The following MARCHF1 variants were observed in gnomAD, a reference collection of about 807,000 sequenced individuals.
MARCHF1 encodes membrane associated ring-CH-type finger 1, also known as E3 ubiquitin-protein ligase MARCHF1.
Under a neutral mutation model 54.2 loss-of-function variants are expected in MARCHF1, and 40 were observed. That is an observed-to-expected ratio of 0.74 (90% confidence interval 0.57 to 0.96). The LOEUF (loss-of-function observed/expected upper bound fraction) is 0.96, where lower values mean the gene tolerates loss of function less well. Ranked by LOEUF, MARCHF1 falls within the 40% of genes least tolerant of loss-of-function variation. The pLI is 0.00. For synonymous variants in MARCHF1, 236 were observed against 236.3 expected (o/e 1.00, Z 0.01); for missense variants, 586 against 656.5 (o/e 0.89, Z 1.17).
intron 1 of MARCHF1, among the ~76,000 whole-genome samples, chr4:164,146,721 T>A (rs1365933794): frequency 1.3e-5 from 2 of 152,102 alleles, no homozygotes; most frequent in Non-Finnish European, 2.9e-5. Flanking sequence ...ATAAAAACCC[T>A]AGAAGAAAAC....
chr4:164,117,259 A>T (rs1365160515), intron 1 of MARCHF1, among the ~76,000 whole-genome samples: 1 of 152,066 alleles, frequency 6.6e-6, no homozygotes, highest in Non-Finnish European at 1.5e-5. Flanking sequence ...TGCAGTCTCA[A>T]AAAAATAAAA....
intron 2 of MARCHF1, among the ~76,000 whole-genome samples, chr4:164,065,332 A>C (rs1317265839): frequency 6.6e-6 from 1 of 152,244 alleles, no homozygotes; most frequent in Non-Finnish European, 1.5e-5. Flanking sequence ...CAAAACTATA[A>C]AAATCCTGGA....
chr4:163,748,360 C>G (rs1473767920), intron 4 of MARCHF1, among the ~76,000 whole-genome samples: 1 of 148,646 alleles, frequency 6.7e-6, no homozygotes, highest in Non-Finnish European at 1.5e-5. Context: ...ATTCTAGGTC[C>G]TTTGTATTTT....
At chr4:164,094,731 G>C (rs1480648508) in intron 2 of MARCHF1, among the ~76,000 whole-genome samples, 1 of 151,994 alleles carries the variant, frequency 6.6e-6, no homozygotes, top group Non-Finnish European at 1.5e-5. Flanking sequence ...AACATGACTA[G>C]GTGTTGTTTG....
At chr4:163,698,051 G>T (rs1476155103) in intron 5 of MARCHF1, among the ~76,000 whole-genome samples, 8 of 152,140 alleles carry the variant, frequency 5.3e-5, no homozygotes, top group African/African-American at 1.9e-4. Context: ...AAGCACCACT[G>T]CAAGAGGTAG....
intron 1 of MARCHF1, among the ~76,000 whole-genome samples, chr4:164,339,871 C>G (rs1729863002): frequency 6.6e-6 from 1 of 151,976 alleles, no homozygotes; most frequent in Non-Finnish European, 1.5e-5. Context: ...AATCAGAACT[C>G]AAAGATGTAA....
intron 2 of MARCHF1, among the ~76,000 whole-genome samples, chr4:164,109,356 A>G (rs1382749487): frequency 6.6e-6 from 1 of 150,436 alleles, no homozygotes; most frequent in African/African-American, 2.4e-5. Flanking sequence ...CTGTGCTTAA[A>G]AACTCTCACA....
intron 8 of MARCHF1, among the ~76,000 whole-genome samples, chr4:163,573,436 A>G (rs1477466744): frequency 6.8e-6 from 1 of 147,382 alleles, no homozygotes; most frequent in Non-Finnish European, 1.5e-5. Flanking sequence ...AGCATTAGGT[A>G]TATCTCCCAG....
intron 1 of MARCHF1, among the ~76,000 whole-genome samples, chr4:164,374,549 C>G (rs1731131143): frequency 6.6e-6 from 1 of 152,084 alleles, no homozygotes; most frequent in African/African-American, 2.4e-5. Flanking sequence ...ATCCTCATAA[C>G]AAAAGCTATA....
intron 7 of MARCHF1, among the ~76,000 whole-genome samples, chr4:163,601,020 T>C (rs1189892434): frequency 6.6e-6 from 1 of 152,130 alleles, no homozygotes; most frequent in East Asian, 1.9e-4. Context: ...GCTGTCAGAG[T>C]GCTAAGAGCA....
chr4:163,603,150 G>C (rs1474735844), intron 7 of MARCHF1, among the ~76,000 whole-genome samples: 2 of 137,132 alleles, frequency 1.5e-5, no homozygotes, highest in Non-Finnish European at 3.3e-5. Context: ...GAAAGATTAA[G>C]GTAAAGGGAA....
rs541352427 is a variant in MARCHF1 at position 164,355,478 on chromosome 4, G to A, written c.-323+28392C>T. On this transcript the variant is annotated intron_variant, in intron 1 of 9. Coordinates refer to ENST00000514618, the MANE Select transcript of MARCHF1 (RefSeq NM_001394959.1). ...TAACGCCGCATACCTACAAGTATCT[G>A]ATCTTTGACAAACCTGAGAAAAACA... 1.4e-3 allele frequency among the ~76,000 whole-genome samples: 186 copies of A among 129,736 alleles called. 4 individuals carry two copies. Among genetic ancestry groups the A allele is most frequent in the African/African-American group, 5.0e-3 (176 of 35,396 alleles). The allele number at this position is 129,736 out of a possible 152,430, so 85.1% of individuals were successfully genotyped here. A position where few individuals can be genotyped will look rare whatever the true frequency, so the allele number is the denominator to read the frequency against.
chr4:163,711,932 A>T (rs191538239), intron 4 of MARCHF1, among the ~76,000 whole-genome samples: 61 of 152,196 alleles, frequency 4.0e-4, no homozygotes, highest in African/African-American at 1.4e-3. Context: ...ATTATTACTA[A>T]TTTTTGCTAT....
intron 3 of MARCHF1, among the ~76,000 whole-genome samples, chr4:163,866,319 CA>C (rs975274440): frequency 6.7e-6 from 1 of 149,756 alleles, no homozygotes; most frequent in African/African-American, 2.4e-5. Context: ...TATTATATAC[CA>C]AGAGTCAAAG....
chr4:163,894,574 CATGTGATGCAT>C (rs1560807567), intron 3 of MARCHF1, among the ~76,000 whole-genome samples: 5 of 64,400 alleles, frequency 7.8e-5, no homozygotes, highest in African/African-American at 2.2e-4. Context: ...TATATATATG[CATGTGATGCAT>C]ATATATATAT....
intron 2 of MARCHF1, among the ~76,000 whole-genome samples, chr4:164,004,144 G>A (rs1460638703): frequency 6.6e-6 from 1 of 151,944 alleles, no homozygotes; most frequent in Admixed American, 6.6e-5. Context: ...GAGGATTGTG[G>A]GGAGAGAGAA....
intron 8 of MARCHF1, among the ~76,000 whole-genome samples, chr4:163,564,508 A>C (rs2110987924): frequency 6.6e-6 from 1 of 152,336 alleles, no homozygotes; most frequent in African/African-American, 2.4e-5. Flanking sequence ...TTGTGTTCTC[A>C]AATCTTTAGG....
intron 1 of MARCHF1, among the ~76,000 whole-genome samples, chr4:164,263,125 T>C (rs184926319): frequency 1.7e-3 from 248 of 148,556 alleles, no homozygotes; most frequent in African/African-American, 5.8e-3. Context: ...TCAAGGTACA[T>C]GTGTGTACGC....
At chr4:164,381,035 C>A (rs1335978239) in intron 1 of MARCHF1, among the ~76,000 whole-genome samples, 2 of 152,152 alleles carry the variant, frequency 1.3e-5, no homozygotes, top group African/African-American at 4.8e-5. Context: ...AGCAAGAGGT[C>A]GTCAAACAGC....
Sources: gnomAD v4.1 joint callset for allele counts (sites outside exome capture counted in the v4.1 genomes callset) on GRCh38, gnomAD v4.1.1 for gene constraint, MANE v1.5 for transcripts, NCBI Gene and HGNC (gene_info 2026-07-23, HGNC 2026-07-21) for gene names.